CA10: variants seen among roughly 807,000 people sequenced by gnomAD.
CA10 encodes the protein carbonic anhydrase-related protein 10.
A neutral mutation model predicts 44.2 loss-of-function variants in CA10; 14 were observed. The ratio of observed to expected loss-of-function variants is 0.32; its 90% confidence interval spans 0.21 to 0.50. The LOEUF (loss-of-function observed/expected upper bound fraction) is 0.50, where lower values mean the gene tolerates loss of function less well. Ranked by LOEUF, CA10 falls within the 20% of genes least tolerant of loss-of-function variation. The pLI, the probability that CA10 is intolerant of heterozygous loss-of-function variation, is 0.99. For synonymous variants in CA10, 159 were observed against 141.6 expected, an observed-to-expected ratio of 1.12 and a Z score of -0.87; for missense variants, 350 against 409.7, an observed-to-expected ratio of 0.85 and a Z score of 1.26.
intron 3 of CA10, among the ~76,000 whole-genome samples, chr17:51,877,049 G>C (rs1382565314): frequency 6.6e-6 from 1 of 152,168 alleles, no homozygotes; most frequent in East Asian, 1.9e-4. Flanking sequence ...GCTCCTTTTA[G>C]GTTGCATGTG....
chr17:52,017,574 G>A (rs1398006280), intron 2 of CA10, among the ~76,000 whole-genome samples: 5 of 152,088 alleles, frequency 3.3e-5, no homozygotes, highest in African/African-American at 1.2e-4. Flanking sequence ...GATGTGGCAT[G>A]GCTGCTTCTA....
intron 2 of CA10, among the ~76,000 whole-genome samples, chr17:51,937,415 A>G (rs1982908895): frequency 6.6e-6 from 1 of 152,034 alleles, no homozygotes. Flanking sequence ...TCATAGATGG[A>G]ATTGGCCTTA....
chr17:51,641,742 A>G (rs948991737), intron 6 of CA10, among the ~76,000 whole-genome samples: 22 of 151,830 alleles, frequency 1.4e-4, no homozygotes, highest in Admixed American at 1.2e-3. Context: ...TAAAATGCCT[A>G]GGACCACTTG....
intron 1 of CA10, among the ~76,000 whole-genome samples, chr17:52,079,473 T>A (rs921840314): frequency 3.3e-5 from 5 of 150,520 alleles, no homozygotes; most frequent in South Asian, 2.1e-4. Context: ...AAAAAAAAAA[T>A]TCCATTATTT....
chr17:51,829,543 T>C (rs1908152599), intron 3 of CA10, among the ~76,000 whole-genome samples: 1 of 152,144 alleles, frequency 6.6e-6, no homozygotes, highest in African/African-American at 2.4e-5. Flanking sequence ...ACGTATGCAA[T>C]TGACAATCAG....
chr17:51,951,522 C>A (rs995368420), intron 2 of CA10, among the ~76,000 whole-genome samples: 1 of 152,120 alleles, frequency 6.6e-6, no homozygotes, highest in Non-Finnish European at 1.5e-5. Context: ...TCTTTGGTAA[C>A]AACATCCCTT....
intron 1 of CA10, among the ~76,000 whole-genome samples, chr17:52,119,896 G>A (rs1988975832): frequency 6.6e-6 from 1 of 152,002 alleles, no homozygotes; most frequent in African/African-American, 2.4e-5. Context: ...GATTATTCCT[G>A]TGAACCAACC....
At chr17:51,874,498 T>C (rs539237217) in intron 3 of CA10, among the ~76,000 whole-genome samples, 6 of 152,148 alleles carry the variant, frequency 3.9e-5, no homozygotes, top group African/African-American at 1.2e-4. Context: ...GTTTCAGTAA[T>C]TAAAATGTCA....
chr17:51,958,364 A>G (rs2144045322), intron 2 of CA10, among the ~76,000 whole-genome samples: 1 of 152,136 alleles, frequency 6.6e-6, no homozygotes, highest in South Asian at 2.1e-4. Flanking sequence ...TTGAGTGGGT[A>G]AGTGAGGCTA....
rs151336815 is a variant in CA10, at chr17:51,646,097, G to A, written c.634+3085C>T. On this transcript the variant is annotated intron_variant, in intron 6 of 8. Coordinates refer to ENST00000451037, the MANE Select transcript of CA10 (RefSeq NM_020178.5). ...CCACCCCTACCAACCCAAGGAGGGA[G>A]CAATAAGAAATCAATGCTTATCATT... Among the ~76,000 whole-genome samples, 196 of 152,336 alleles carry A rather than the reference G, an allele frequency of 1.3e-3. 1 individual carries two copies. Among genetic ancestry groups the A allele is most frequent in the African/African-American group, 4.5e-3 (186 of 41,574 alleles).
At chr17:52,013,709 T>C (rs1217098294) in intron 2 of CA10, among the ~76,000 whole-genome samples, 3 of 152,030 alleles carry the variant, frequency 2.0e-5, no homozygotes, top group African/African-American at 7.2e-5. Context: ...GTTTTGTTTT[T>C]GTGATGTCTG....
chr17:52,058,906 AG>A (rs1987301814), intron 2 of CA10, among the ~76,000 whole-genome samples: 3 of 152,178 alleles, frequency 2.0e-5, no homozygotes, highest in African/African-American at 4.8e-5. Context: ...TCTTAAGATC[AG>A]GAGCTGTCAT....
chr17:52,075,864 CATCT>C (rs1987805170), intron 1 of CA10, among the ~76,000 whole-genome samples: 2 of 152,168 alleles, frequency 1.3e-5, no homozygotes, highest in Non-Finnish European at 2.9e-5. Flanking sequence ...CATCTTTCCC[CATCT>C]ATCTGAATTG....
intron 2 of CA10, among the ~76,000 whole-genome samples, chr17:52,065,124 C>T (rs114057746): frequency 3.5e-3 from 528 of 152,306 alleles, no homozygotes; most frequent in African/African-American, 0.011. Flanking sequence ...GTCATGCCCA[C>T]GCTTGAGGCT....
chr17:52,055,056 G>A (rs1285710716), intron 2 of CA10, among the ~76,000 whole-genome samples: 1 of 152,004 alleles, frequency 6.6e-6, no homozygotes, highest in African/African-American at 2.4e-5. Context: ...TATACACTTA[G>A]ATATATCCCA....
At position 52,138,684 on chromosome 17, in the gene CA10, C is replaced by G. The variant is rs1488947783; in HGVS notation, c.61+19042G>C. 1.9e-4 allele frequency among the ~76,000 whole-genome samples: 29 copies of G among 152,188 alleles called. 1 individual carries two copies. The highest frequency in any genetic ancestry group is 6.5e-5 in the Admixed American group (1 of 15,278). On this transcript the variant is annotated intron_variant, in intron 1 of 8. Transcript: ENST00000451037. ...ATACCAATGGTGTATAGAGCTCAGT[C>G]CACACCAGTGATGAGATCTGGCTGT... is the stretch of plus-strand genomic sequence containing the variant.
At chr17:51,787,488 C>CT (rs928537348) in intron 3 of CA10, among the ~76,000 whole-genome samples, 8 of 150,252 alleles carry the variant, frequency 5.3e-5, no homozygotes, top group Admixed American at 2.7e-4. Flanking sequence ...TTCTATTTTT[C>CT]TTTTTTTTCC....
At chr17:51,686,358 G>C (rs368096625) in intron 4 of CA10, among the ~76,000 whole-genome samples, 6 of 152,118 alleles carry the variant, frequency 3.9e-5, no homozygotes, top group Admixed American at 3.3e-4. Context: ...AGGTGCCCTA[G>C]GACTTGGGCC....
At chr17:51,832,103 G>A (rs940196362) in intron 3 of CA10, among the ~76,000 whole-genome samples, 1 of 152,140 alleles carries the variant, frequency 6.6e-6, no homozygotes, top group Admixed American at 6.5e-5. Flanking sequence ...GAGAGACCTG[G>A]GTTTGAATCT....
Sources: gnomAD v4.1 joint callset for allele counts (sites outside exome capture counted in the v4.1 genomes callset) on GRCh38, gnomAD v4.1.1 for gene constraint, MANE v1.5 for transcripts, NCBI Gene and HGNC (gene_info 2026-07-23, HGNC 2026-07-21) for gene names.